KIF26B: variants seen among roughly 807,000 people sequenced by gnomAD.
KIF26B encodes kinesin-like protein KIF26B.
Under a neutral mutation model 151.2 loss-of-function variants are expected in KIF26B, and 63 were observed. That is an observed-to-expected ratio of 0.42 (90% confidence interval 0.34 to 0.51). The LOEUF (loss-of-function observed/expected upper bound fraction) is 0.51, where lower values mean the gene tolerates loss of function less well. KIF26B is among the 20% of genes least tolerant of loss of function. KIF26B has a pLI of 0.07. For missense variants in KIF26B, 2,813 were observed against 2,913.6 expected (o/e 0.97, Z 0.79); for synonymous variants, 1,357 against 1,262.1 (o/e 1.08, Z -1.59).
chr1:245,333,351 G>A (rs35922863), intron 2 of KIF26B, among the ~76,000 whole-genome samples: 32,225 of 152,168 alleles, frequency 0.21, 4,686 homozygotes, highest in African/African-American at 0.38. Flanking sequence ...TCACAAAAGC[G>A]CAAATACTGT....
intron 4 of KIF26B, among the ~76,000 whole-genome samples, chr1:245,480,309 A>G (rs143611837): frequency 2.6e-5 from 4 of 151,388 alleles, no homozygotes; most frequent in African/African-American, 7.2e-5. Flanking sequence ...GCCGAACTAC[A>G]TGCAGGGTGG....
chr1:245,611,155 A>G (rs1045966594), intron 8 of KIF26B, among the ~76,000 whole-genome samples: 5 of 152,218 alleles, frequency 3.3e-5, no homozygotes, highest in African/African-American at 1.2e-4. Flanking sequence ...CTAAAGGTAA[A>G]TAGGTATCTC....
chr1:245,665,070 A>G (rs1043497922), intron 10 of KIF26B, among the ~76,000 whole-genome samples: 2 of 152,252 alleles, frequency 1.3e-5, no homozygotes, highest in Non-Finnish European at 2.9e-5. Context: ...ATTGTGTGTT[A>G]AAGTTTCAAA....
intron 4 of KIF26B, among the ~76,000 whole-genome samples, chr1:245,490,478 A>T (rs1660385531): frequency 6.6e-6 from 1 of 151,714 alleles, no homozygotes; most frequent in Non-Finnish European, 1.5e-5. Flanking sequence ...CGTCCAGCTA[A>T]TTTTTTGTAT....
chr1:245,556,594 G>C (rs1316771405), intron 5 of KIF26B, among the ~76,000 whole-genome samples: 1 of 152,134 alleles, frequency 6.6e-6, no homozygotes, highest in Non-Finnish European at 1.5e-5. Flanking sequence ...TAGAGATGGG[G>C]TTTTGCCATG....
chr1:245,650,090 G>A (rs1221468003), intron 10 of KIF26B, among the ~76,000 whole-genome samples: 1 of 152,160 alleles, frequency 6.6e-6, no homozygotes, highest in African/African-American at 2.4e-5. Flanking sequence ...GCACCATTCA[G>A]AAAAGCATGC....
chr1:245,260,392 C>G (rs955584555), intron 2 of KIF26B, among the ~76,000 whole-genome samples: 1 of 152,214 alleles, frequency 6.6e-6, no homozygotes, highest in Non-Finnish European at 1.5e-5. Flanking sequence ...AGTCTTTCTG[C>G]TAACTTCCTG....
At chr1:245,171,782 G>A (rs368950372) in intron 2 of KIF26B, among the ~76,000 whole-genome samples, 4 of 152,136 alleles carry the variant, frequency 2.6e-5, no homozygotes, top group African/African-American at 9.7e-5. Context: ...CATCCCATCA[G>A]GATTTGTATA....
At chr1:245,505,511 A>G (rs1660714330) in intron 4 of KIF26B, among the ~76,000 whole-genome samples, 1 of 152,004 alleles carries the variant, frequency 6.6e-6, no homozygotes, top group South Asian at 2.1e-4. Context: ...CAGCCTCCCA[A>G]GTAGCTGGGT....
rs374042654 is a variant in KIF26B at position 245,702,551 on chromosome 1, G to A, written c.6272G>A (p.Cys2091Tyr). The A allele has an allele frequency of 1.4e-5, 22 of 1,613,938 alleles. No individual in the cohort carries two copies. The highest frequency in any genetic ancestry group is 1.8e-5 in the Non-Finnish European group (21 of 1,179,884). The change falls in exon 15 of 15, where the codon TGC (cysteine) becomes TAC (tyrosine). Residue 2091 changes from cysteine (C) to tyrosine (Y), a missense_variant. Cys to Tyr is a radical substitution (Grantham distance 194). This residue lies in a region of KIF26B where 2,060 missense variants were observed against 2,088.6 expected (regional missense o/e 0.99). Transcript: ENST00000407071. The surrounding 1 kb of genome is among the most constrained non-coding windows in gnomAD (Gnocchi z 4.1). The part of the protein sequence containing the change: ...TERLESRVNF[C>Y]KAHLMMITCF... ...CGCCTGGAGAGCCGTGTCAACTTCT[G>A]CAAGGCCCATCTCATGATGATCACC... is the stretch of plus-strand genomic sequence containing the variant.
chr1:245,696,026 A>G (rs963169822), intron 12 of KIF26B, among the ~76,000 whole-genome samples: 5 of 152,230 alleles, frequency 3.3e-5, no homozygotes, highest in African/African-American at 1.2e-4. Flanking sequence ...TATCCAAGAC[A>G]TTTTCCCATC....
chr1:245,425,532 G>A (rs1295838573), intron 4 of KIF26B, among the ~76,000 whole-genome samples: 1 of 152,032 alleles, frequency 6.6e-6, no homozygotes, highest in African/African-American at 2.4e-5. Context: ...TCAGCCTCCC[G>A]AGTAGCTGGG....
chr1:245,633,764 C>A (rs1431823224), intron 9 of KIF26B, among the ~76,000 whole-genome samples: 1 of 152,058 alleles, frequency 6.6e-6, no homozygotes, highest in East Asian at 1.9e-4. Context: ...TTTTTATGTA[C>A]ACATTTTAAT....
intron 4 of KIF26B, among the ~76,000 whole-genome samples, chr1:245,464,650 G>A (rs1350385410): frequency 6.6e-6 from 1 of 150,398 alleles, no homozygotes; most frequent in African/African-American, 2.5e-5. Context: ...GTGTGTGTGG[G>A]TGTGCGTGTG....
At chr1:245,341,472 A>G (rs2102996000) in intron 2 of KIF26B, among the ~76,000 whole-genome samples, 1 of 151,766 alleles carries the variant, frequency 6.6e-6, no homozygotes, top group East Asian at 1.9e-4. Flanking sequence ...GGCACACACC[A>G]CCACTCTCAG....
intron 2 of KIF26B, among the ~76,000 whole-genome samples, chr1:245,298,548 G>A (rs1671375312): frequency 6.6e-6 from 1 of 152,190 alleles, no homozygotes; most frequent in Non-Finnish European, 1.5e-5. Flanking sequence ...AAAAGTTCTG[G>A]GCATGGCGAT....
intron 2 of KIF26B, among the ~76,000 whole-genome samples, chr1:245,283,278 G>A (rs1210987575): frequency 6.6e-6 from 1 of 151,334 alleles, no homozygotes; most frequent in East Asian, 1.9e-4. Context: ...ATCTGCCTAA[G>A]CCCACCCACC....
chr1:245,384,087 C>T (rs1673482661), intron 3 of KIF26B, among the ~76,000 whole-genome samples: 1 of 152,174 alleles, frequency 6.6e-6, no homozygotes, highest in Non-Finnish European at 1.5e-5. Flanking sequence ...ACTGAAGTCG[C>T]ACGCTGCTCT....
intron 4 of KIF26B, among the ~76,000 whole-genome samples, chr1:245,466,644 G>A (rs1192775113): frequency 6.6e-6 from 1 of 152,194 alleles, no homozygotes; most frequent in Non-Finnish European, 1.5e-5. Context: ...CTCTGGTTCC[G>A]GCTGGGCGTG....
Sources: allele counts gnomAD v4.1 joint callset (sites outside exome capture counted in the v4.1 genomes callset), GRCh38; gene constraint gnomAD v4.1.1; regional missense constraint gnomAD v4.1.1; non-coding constraint Gnocchi (gnomAD v3.1); transcripts MANE v1.5; gene names NCBI Gene and HGNC (gene_info 2026-07-23, HGNC 2026-07-21).